The following NEBL variants were observed in gnomAD, a reference collection of about 807,000 sequenced individuals.
The protein encoded by NEBL is LIM and SH3 protein 2.
Under a neutral mutation model 140.2 loss-of-function variants are expected in NEBL, and 122 were observed. That is an observed-to-expected ratio of 0.87 (90% CI 0.75 to 1.01). The LOEUF (loss-of-function observed/expected upper bound fraction) is 1.01, where lower values mean the gene tolerates loss of function less well. NEBL is among the 50% of genes least tolerant of loss of function. The pLI is 0.00. For synonymous variants in NEBL, 436 were observed against 398.9 expected, an observed-to-expected ratio of 1.09 and a Z score of -1.11; for missense variants, 1,365 against 1,231.3, an observed-to-expected ratio of 1.11 and a Z score of -1.62.
chr10:20,805,837 A>G (rs1390876825), intron 26 of NEBL, among the ~76,000 whole-genome samples: 1 of 148,480 alleles, frequency 6.7e-6, no homozygotes, highest in East Asian at 2.0e-4. Flanking sequence ...TGAGTGACAC[A>G]GCGAGACTCC....
intron 3 of NEBL, among the ~76,000 whole-genome samples, chr10:21,197,553 G>A (rs528568802): frequency 6.6e-6 from 1 of 152,120 alleles, no homozygotes. Flanking sequence ...GGGAAGAAGT[G>A]GGGAAGGGGA....
At chr10:21,040,611 T>C (rs1834228693) in intron 2 of NEBL, among the ~76,000 whole-genome samples, 1 of 152,040 alleles carries the variant, frequency 6.6e-6, no homozygotes, top group Non-Finnish European at 1.5e-5. Context: ...TCATGAGAGA[T>C]TGGCCCCCAT....
rs575553622 is a variant in NEBL at position 20,880,330 on chromosome 10, A to G, written c.480+464T>C. ...AGCCAAGATTGAGCCACTGCACTCC[A>G]GCCTGGGTGACAGAGCGAGGCTCTG... is the stretch of plus-strand genomic sequence containing the variant. On this transcript the variant is annotated intron_variant, in intron 5 of 27. Transcript: ENST00000377122. Among the ~76,000 whole-genome samples, 11 of 152,352 alleles carry G rather than the reference A, an allele frequency of 7.2e-5. No individual in the cohort carries two copies. The East Asian group carries it at 2.1e-3, about 29-fold the overall frequency.
intron 2 of NEBL, among the ~76,000 whole-genome samples, chr10:21,118,950 T>C (rs1182107997): frequency 6.6e-6 from 1 of 152,194 alleles, no homozygotes; most frequent in Admixed American, 6.6e-5. Context: ...GGCACATTCA[T>C]ACACATCTTC....
chr10:20,961,728 C>G (rs779226177), exon 4 of NEBL: 2 of 1,613,874 alleles, frequency 1.2e-6, no homozygotes, highest in Non-Finnish European at 1.7e-6. Flanking sequence ...GTGTCCGTGA[C>G]GATGCTGAAG....
At chr10:21,273,852 C>G (rs1356388356) in intron 1 of NEBL, among the ~76,000 whole-genome samples, 1 of 152,126 alleles carries the variant, frequency 6.6e-6, no homozygotes, top group African/African-American at 2.4e-5. Flanking sequence ...TACCAACACC[C>G]CTTCTCCTTC....
At chr10:21,202,975 G>T (rs1841766049) in intron 3 of NEBL, among the ~76,000 whole-genome samples, 1 of 152,176 alleles carries the variant, frequency 6.6e-6, no homozygotes, top group African/African-American at 2.4e-5. Flanking sequence ...ACTAGGAACG[G>T]CATGTTAGAG....
intron 1 of NEBL, among the ~76,000 whole-genome samples, chr10:21,291,766 T>A (rs1843146843): frequency 6.6e-6 from 1 of 151,452 alleles, no homozygotes; most frequent in East Asian, 2.0e-4. Flanking sequence ...TACAAAAAAA[T>A]TAGCCAGGCG....
chr10:21,054,809 C>G (rs1834937080), intron 2 of NEBL, among the ~76,000 whole-genome samples: 1 of 152,100 alleles, frequency 6.6e-6, no homozygotes, highest in Non-Finnish European at 1.5e-5. Flanking sequence ...TACTCGGAGG[C>G]ATACAGTACA....
chr10:21,101,617 T>C (rs1328572455), intron 2 of NEBL, among the ~76,000 whole-genome samples: 1 of 152,194 alleles, frequency 6.6e-6, no homozygotes, highest in African/African-American at 2.4e-5. Flanking sequence ...CATTTCCACC[T>C]TGTTTAAGCC....
chr10:21,276,662 CA>C (rs1842928585), intron 1 of NEBL, among the ~76,000 whole-genome samples: 1 of 151,974 alleles, frequency 6.6e-6, no homozygotes, highest in Non-Finnish European at 1.5e-5. Flanking sequence ...CCCATCTCTA[CA>C]AAAATATACA....
chr10:20,845,521 T>C (rs1266005911), intron 11 of NEBL, 153 bp from the exon 12 acceptor site: 1 of 586,220 alleles, frequency 1.7e-6, no homozygotes. Context: ...AAGTTCAACT[T>C]TGTCATAAAT....
chr10:21,159,601 A>C (rs559293150), intron 2 of NEBL, among the ~76,000 whole-genome samples: 1 of 152,360 alleles, frequency 6.6e-6, no homozygotes, highest in East Asian at 1.9e-4. Flanking sequence ...AACCTTCAGC[A>C]GATAACTCAT....
chr10:21,276,029 G>A (rs1842919963), intron 1 of NEBL, among the ~76,000 whole-genome samples: 1 of 149,128 alleles, frequency 6.7e-6, no homozygotes, highest in African/African-American at 2.5e-5. Flanking sequence ...GAAGTGCAGT[G>A]GTGTGATCTC....
intron 4 of NEBL, among the ~76,000 whole-genome samples, chr10:20,951,790 T>TCTAC (rs2131594940): frequency 6.6e-6 from 1 of 152,324 alleles, no homozygotes; most frequent in African/African-American, 2.4e-5. Context: ...TTCAGGATAT[T>TCTAC]CTACTCACTG....
chr10:20,835,503 C>A lies in NEBL; in HGVS notation c.1449+10G>T. The A allele has an allele frequency of 6.3e-7, 1 of 1,593,524 alleles. No homozygotes were observed. Among genetic ancestry groups the A allele is most frequent in the African/African-American group, 1.3e-5 (1 of 74,600 alleles). ...TGAGTCTTAAGGCCTGCATCACGCA[C>A]CCTACTAACCTCACTCGCTATCTCT... On this transcript the variant is annotated intron_variant, in intron 14 of 27. Transcript: ENST00000377122.
intron 3 of NEBL, among the ~76,000 whole-genome samples, chr10:21,188,182 T>C (rs931790341): frequency 2.0e-5 from 3 of 152,212 alleles, no homozygotes; most frequent in African/African-American, 7.2e-5. Flanking sequence ...AATTCTCTCA[T>C]GGACCTAAGA....
chr10:20,936,113 C>T (rs540921037), intron 4 of NEBL, among the ~76,000 whole-genome samples: 2 of 152,162 alleles, frequency 1.3e-5, no homozygotes, highest in Non-Finnish European at 1.5e-5. Context: ...CAAAATCTTT[C>T]CTCCATTTTC....
At chr10:21,167,110 CGAGATG>C (rs1564533810) in intron 2 of NEBL, among the ~76,000 whole-genome samples, 5 of 152,298 alleles carry the variant, frequency 3.3e-5, no homozygotes, top group African/African-American at 1.2e-4. Flanking sequence ...TGACTCGTCA[CGAGATG>C]CACCCAGCCC....
Sources: gnomAD v4.1 joint callset for allele counts (sites outside exome capture counted in the v4.1 genomes callset) on GRCh38, gnomAD v4.1.1 for gene constraint, MANE v1.5 for transcripts, NCBI Gene and HGNC (gene_info 2026-07-23, HGNC 2026-07-21) for gene names.